DCC: variants seen among roughly 807,000 people sequenced by gnomAD.
The protein encoded by DCC is netrin receptor DCC.
DCC carries 58 observed loss-of-function variants against 172.5 expected under a neutral mutation model. The observed-to-expected ratio is 0.34, with a 90% CI of 0.27 to 0.42. DCC has a LOEUF of 0.42. Ranked by LOEUF, DCC falls within the 10% of genes least tolerant of loss-of-function variation. The pLI is 1.00. For missense variants in DCC, 1,740 were observed against 1,791.0 expected, an observed-to-expected ratio of 0.97 and a Z score of 0.51; for synonymous variants, 709 against 644.5, an observed-to-expected ratio of 1.10 and a Z score of -1.52.
At chr18:53,461,946 G>A (rs2045564517) in intron 24 of DCC, among the ~76,000 whole-genome samples, 1 of 152,212 alleles carries the variant, frequency 6.6e-6, no homozygotes, top group African/African-American at 2.4e-5. Context: ...CGGTGGGATT[G>A]AGAAGAAGCT....
chr18:53,115,270 A>G (rs2043392913), intron 7 of DCC, among the ~76,000 whole-genome samples: 1 of 151,610 alleles, frequency 6.6e-6, no homozygotes, highest in Admixed American at 6.6e-5. Context: ...GAGAATTAGC[A>G]TTACAAGAAA....
chr18:53,330,685 C>T (rs1337972417), intron 14 of DCC, among the ~76,000 whole-genome samples: 1 of 152,190 alleles, frequency 6.6e-6, no homozygotes, highest in East Asian at 1.9e-4. Context: ...TCCAGGTTCA[C>T]TTCCTCAGCT....
chr18:52,579,046 G>T (rs1007830824), intron 1 of DCC, among the ~76,000 whole-genome samples: 10 of 152,152 alleles, frequency 6.6e-5, no homozygotes, highest in African/African-American at 2.4e-4. Context: ...TTAAGCAACT[G>T]CTTATAAATT....
intron 13 of DCC, among the ~76,000 whole-genome samples, chr18:53,317,495 A>G (rs1297478274): frequency 6.6e-6 from 1 of 152,188 alleles, no homozygotes; most frequent in Non-Finnish European, 1.5e-5. Context: ...CTGGCCTCAT[A>G]AAATGAGTTA....
At chr18:52,811,256 TTA>T (rs781738847) in intron 2 of DCC, among the ~76,000 whole-genome samples, 4 of 152,208 alleles carry the variant, frequency 2.6e-5, no homozygotes, top group Non-Finnish European at 4.4e-5. Flanking sequence ...CTATGAATAT[TTA>T]TATGATACCC....
chr18:52,661,834 T>C (rs1374324470), intron 1 of DCC, among the ~76,000 whole-genome samples: 1 of 152,238 alleles, frequency 6.6e-6, no homozygotes, highest in African/African-American at 2.4e-5. Flanking sequence ...AACATAACTT[T>C]AATATTTTGA....
chr18:52,442,506 A>G (rs1360259404), intron 1 of DCC, among the ~76,000 whole-genome samples: 3 of 152,130 alleles, frequency 2.0e-5, no homozygotes, highest in Non-Finnish European at 4.4e-5. Flanking sequence ...ATTGGAGCCC[A>G]TTTTTCAACC....
intron 1 of DCC, among the ~76,000 whole-genome samples, chr18:52,749,068 C>T (rs534732565): frequency 8.5e-5 from 13 of 152,108 alleles, no homozygotes; most frequent in East Asian, 5.8e-4. Context: ...GGTGTGGTGG[C>T]GCATGCCTGT....
intron 15 of DCC, among the ~76,000 whole-genome samples, chr18:53,358,040 G>C (rs909054496): frequency 6.6e-6 from 1 of 152,070 alleles, no homozygotes; most frequent in African/African-American, 2.4e-5. Context: ...TCTCAAATTT[G>C]ATTGTAAATG....
intron 27 of DCC, among the ~76,000 whole-genome samples, chr18:53,520,407 G>A (rs1329552647): frequency 6.6e-6 from 1 of 152,034 alleles, no homozygotes; most frequent in Non-Finnish European, 1.5e-5. Context: ...TGTTCATTTG[G>A]TTTAAATGGT....
chr18:52,435,661 A>G (rs561114775), intron 1 of DCC, among the ~76,000 whole-genome samples: 4 of 152,188 alleles, frequency 2.6e-5, no homozygotes, highest in Non-Finnish European at 2.9e-5. Flanking sequence ...GCCACCTGTT[A>G]GGCTGCCAGC....
intron 1 of DCC, among the ~76,000 whole-genome samples, chr18:52,384,254 C>T (rs1337524123): frequency 3.9e-5 from 6 of 152,088 alleles, no homozygotes; most frequent in Non-Finnish European, 8.8e-5. Flanking sequence ...CATTAGAGAC[C>T]TCTGTGCACT....
chr18:53,271,645 C>T (rs1395653149), intron 12 of DCC, among the ~76,000 whole-genome samples: 1 of 152,154 alleles, frequency 6.6e-6, no homozygotes, highest in Non-Finnish European at 1.5e-5. Context: ...CAGAGCAAGC[C>T]AGCAAGACAG....
intron 2 of DCC, among the ~76,000 whole-genome samples, chr18:52,778,351 C>T (rs2037471817): frequency 1.3e-5 from 2 of 152,056 alleles, no homozygotes; most frequent in African/African-American, 2.4e-5. Context: ...CTTGGGGTGT[C>T]TTTAATAAAT....
intron 27 of DCC, among the ~76,000 whole-genome samples, chr18:53,501,036 T>C (rs137877998): frequency 1.5e-3 from 223 of 152,310 alleles, no homozygotes; most frequent in African/African-American, 5.1e-3. Context: ...GCCAAGAGTA[T>C]GCTTCCTTGT....
At chr18:52,825,819 G>T (rs41331848) in intron 2 of DCC, among the ~76,000 whole-genome samples, 1 of 151,928 alleles carries the variant, frequency 6.6e-6, no homozygotes, top group Non-Finnish European at 1.5e-5. Context: ...TAAAAGTTGC[G>T]CTGTGCTCAC....
At chr18:52,787,736 T>C (rs28770857) in intron 2 of DCC, among the ~76,000 whole-genome samples, 6,557 of 152,150 alleles carry the variant, frequency 0.043, 220 homozygotes, top group South Asian at 0.16. Context: ...CTGTTAAATG[T>C]TAGAGATTTA....
chr18:53,145,105 CTTTTTTTTT>C (rs57501246), intron 7 of DCC, among the ~76,000 whole-genome samples: 2 of 36,908 alleles, frequency 5.4e-5, no homozygotes, highest in Non-Finnish European at 8.8e-5. Flanking sequence ...GAGGGCTCTG[CTTTTTTTTT>C]TTTTTTTTTT....
chr18:52,641,993 A>C (rs983717442), intron 1 of DCC, among the ~76,000 whole-genome samples: 1 of 143,564 alleles, frequency 7.0e-6, no homozygotes, highest in African/African-American at 2.6e-5. Context: ...CAAGTGGATA[A>C]AGAAACTGTG....
Sources: gnomAD v4.1 joint callset for allele counts (sites outside exome capture counted in the v4.1 genomes callset) on GRCh38, gnomAD v4.1.1 for gene constraint, MANE v1.5 for transcripts, NCBI Gene and HGNC (gene_info 2026-07-23, HGNC 2026-07-21) for gene names.